Variants in GMDS observed in about 807,000 individuals in gnomAD.
GMDS encodes the protein GDP-mannose 4,6 dehydratase.
In GMDS, 20 loss-of-function variants were observed where a neutral mutation model predicts 49.9. That is an observed-to-expected ratio of 0.40 (90% confidence interval 0.28 to 0.58). The LOEUF (loss-of-function observed/expected upper bound fraction) is 0.58. GMDS is among the 20% of genes least tolerant of loss of function. GMDS has a pLI of 0.42. For synonymous variants in GMDS, 177 were observed against 178.6 expected (o/e 0.99, Z 0.07); for missense variants, 362 against 481.4 (o/e 0.75, Z 2.32).
intron 7 of GMDS, among the ~76,000 whole-genome samples, chr6:1,745,269 A>G (rs1279505595): frequency 6.6e-6 from 1 of 152,240 alleles, no homozygotes; most frequent in Non-Finnish European, 1.5e-5. Context: ...TAGTCATGTG[A>G]AAGAAGACAA....
chr6:2,145,339 A>G (rs1464372282), intron 1 of GMDS, among the ~76,000 whole-genome samples: 1 of 152,018 alleles, frequency 6.6e-6, no homozygotes, highest in East Asian at 1.9e-4. Flanking sequence ...GTTCGAGACC[A>G]TCCTGGCCAA....
At chr6:1,749,216 T>C (rs902141363) in intron 7 of GMDS, among the ~76,000 whole-genome samples, 12 of 152,200 alleles carry the variant, frequency 7.9e-5, no homozygotes, top group African/African-American at 2.9e-4. Flanking sequence ...TCTCTGGCGA[T>C]GTTTGCTTTC....
chr6:2,075,561 C>T (rs1397107024), intron 4 of GMDS, among the ~76,000 whole-genome samples: 1 of 152,204 alleles, frequency 6.6e-6, no homozygotes, highest in Admixed American at 6.5e-5. Context: ...CCATCTTCAT[C>T]CATGTTCCTA....
chr6:2,118,146 G>A (rs921481192), intron 2 of GMDS, among the ~76,000 whole-genome samples: 17 of 151,342 alleles, frequency 1.1e-4, no homozygotes, highest in African/African-American at 4.1e-4. Context: ...AAACTCAAAC[G>A]AAGAGAGGAT....
At chr6:1,944,404 C>T (rs1216477108) in intron 6 of GMDS, among the ~76,000 whole-genome samples, 1 of 152,022 alleles carries the variant, frequency 6.6e-6, no homozygotes, top group Non-Finnish European at 1.5e-5. Context: ...GCTCGGGAGG[C>T]TGAGGCAGGA....
chr6:1,824,456 CGTCCACACTTTTTTTGTCTTT>C (rs1398846260), intron 7 of GMDS, among the ~76,000 whole-genome samples: 1 of 152,164 alleles, frequency 6.6e-6, no homozygotes, highest in Non-Finnish European at 1.5e-5. Context: ...TCCCTGAATA[CGTCCACACTTTTTTTGTCTTT>C]GTGTCACAAC....
rs564357103 is a variant in GMDS, at chr6:1,727,479, T to C, written c.891-967A>G. Among the ~76,000 whole-genome samples the C allele has an allele frequency of 1.5e-4, 23 of 152,348 alleles. No homozygotes were observed. In the South Asian group the frequency reaches 3.5e-3, roughly 23 times the overall value. On this transcript the variant is annotated intron_variant, in intron 8 of 10. Transcript: ENST00000380815. ...ACAAGTATGACATGTTTGACTTTAC[T>C]GTTTATCCTTAGAACTGGTTTGCAT...
At chr6:1,624,286 C>T (rs1762776700) in intron 10 of GMDS, 55 bp from the exon 11 acceptor site, 7 of 1,528,052 alleles carry the variant, frequency 4.6e-6, no homozygotes, top group Non-Finnish European at 5.4e-6. Context: ...CTCCTGGTGA[C>T]ACCCCACCCC....
At chr6:1,705,664 T>A (rs564044156) in intron 9 of GMDS, among the ~76,000 whole-genome samples, 1 of 152,320 alleles carries the variant, frequency 6.6e-6, no homozygotes, top group South Asian at 2.1e-4. Context: ...GATAATGGAC[T>A]GCGCATGGTG....
chr6:1,697,334 T>C (rs1024604812), intron 9 of GMDS, among the ~76,000 whole-genome samples: 4 of 152,122 alleles, frequency 2.6e-5, no homozygotes, highest in Non-Finnish European at 2.9e-5. Flanking sequence ...ATTTGGGAAG[T>C]TGGATCAATA....
At position 1,715,519 on chromosome 6, in the gene GMDS, C is replaced by T. The variant is rs57165606; in HGVS notation, c.987+10897G>A. 5.7e-3 allele frequency among the ~76,000 whole-genome samples: 873 copies of T among 152,328 alleles called. 10 individuals carry two copies. Among genetic ancestry groups the T allele is most frequent in the African/African-American group, 0.02 (835 of 41,560 alleles). ...ACCCATCACAATGCAATGGGATAAG[C>T]GGTAAGTGCTGACTGCCTGGGGGAA... On this transcript the variant is annotated intron_variant, in intron 9 of 10. Coordinates refer to ENST00000380815, the MANE Select transcript of GMDS (RefSeq NM_001500.4).
At position 1,835,981 on chromosome 6, in the gene GMDS, G is replaced by A. The variant is rs375524605; in HGVS notation, c.772-93395C>T. Reference sequence around the variant, plus strand: ...GCGCTCACTGTAAGCTCCGCCTCCCGGGTTCACACCACCGGAGCTGTGACT... The same window carrying A: ...GCGCTCACTGTAAGCTCCGCCTCCCAGGTTCACACCACCGGAGCTGTGACT... On this transcript the variant is annotated intron_variant, in intron 7 of 10. Transcript: ENST00000380815. Among the ~76,000 whole-genome samples the A allele has an allele frequency of 1.7e-3, 253 of 152,004 alleles. 1 individual carries two copies. Among genetic ancestry groups the A allele is most frequent in the African/African-American group, 5.7e-3 (235 of 41,518 alleles).
At chr6:1,877,485 A>G (rs1241873212) in intron 7 of GMDS, among the ~76,000 whole-genome samples, 1 of 151,878 alleles carries the variant, frequency 6.6e-6, no homozygotes, top group African/African-American at 2.4e-5. Context: ...ACAAAAAATA[A>G]AAATTAGCCA....
At position 1,766,769 on chromosome 6, in the gene GMDS, C is replaced by A. The variant is rs1350698125; in HGVS notation, c.772-24183G>T. Among the ~76,000 whole-genome samples the A allele has an allele frequency of 1.3e-5, 2 of 152,226 alleles. No homozygotes were observed. Among genetic ancestry groups the A allele is most frequent in the Non-Finnish European group, 2.9e-5 (2 of 68,032 alleles). ...AGCTGCACATCGAACATGCTAAAAA[C>A]TGCGTTATGTTTTTTAAAAACCCAA... On this transcript the variant is annotated intron_variant, in intron 7 of 10. Transcript: ENST00000380815. The surrounding 1 kb of genome is among the most constrained non-coding windows in gnomAD (Gnocchi z 4.5).
At chr6:2,132,702 G>A (rs1355202463) in intron 1 of GMDS, among the ~76,000 whole-genome samples, 2 of 152,140 alleles carry the variant, frequency 1.3e-5, no homozygotes, top group Non-Finnish European at 2.9e-5. Context: ...ATCACCACAC[G>A]AGCATGAAAT....
chr6:1,944,270 G>C (rs1371778140), intron 6 of GMDS, among the ~76,000 whole-genome samples: 5 of 152,162 alleles, frequency 3.3e-5, no homozygotes, highest in Non-Finnish European at 5.9e-5. Flanking sequence ...ACCTTGGGAG[G>C]CCGAGGCGGA....
chr6:2,219,447 T>A (rs1780484137), intron 1 of GMDS, among the ~76,000 whole-genome samples: 4 of 152,196 alleles, frequency 2.6e-5, no homozygotes, highest in Admixed American at 2.0e-4. Flanking sequence ...CACAGGATCC[T>A]CTAAACCAGT....
At chr6:2,015,861 T>C (rs755536039) in intron 4 of GMDS, among the ~76,000 whole-genome samples, 2 of 152,092 alleles carry the variant, frequency 1.3e-5, no homozygotes, top group Non-Finnish European at 2.9e-5. Context: ...TAGCATGACT[T>C]TTTCTTTCCC....
chr6:1,697,620 G>T (rs577619302), intron 9 of GMDS, among the ~76,000 whole-genome samples: 55 of 152,312 alleles, frequency 3.6e-4, no homozygotes, highest in African/African-American at 1.3e-3. Context: ...CGTCACATGA[G>T]AACTTGTTAG....
Sources: allele counts gnomAD v4.1 joint callset (sites outside exome capture counted in the v4.1 genomes callset), GRCh38; gene constraint gnomAD v4.1.1; non-coding constraint Gnocchi (gnomAD v3.1); transcripts MANE v1.5; gene names NCBI Gene and HGNC (gene_info 2026-07-23, HGNC 2026-07-21).